CIMAP1A: variants seen among roughly 807,000 people sequenced by gnomAD.
CIMAP1A encodes the protein ciliary microtubule associated protein 1A, also known as cancer/testis antigen 135.
At chr11:198,777 G>A in the CIMAP1A span, 4 of 1,433,596 alleles carry the variant, frequency 2.8e-6, no homozygotes, top group Non-Finnish European at 3.7e-6. Flanking sequence ...CAGGCCAGAA[G>A]GGAGACGCCC....
the CIMAP1A span, chr11:197,473 G>A: frequency 1.7e-3 from 2,698 of 1,592,098 alleles, 40 homozygotes; most frequent in African/African-American, 0.032. Context: ...TGGGGGTCCC[G>A]GGAAGGGCCT....
chr11:197,682 G>A, the CIMAP1A span: 1 of 1,613,772 alleles, frequency 6.2e-7, no homozygotes, highest in South Asian at 1.1e-5. Flanking sequence ...CCAAGATACT[G>A]AGGACTGGCA....
the CIMAP1A span, chr11:198,527 C>T: frequency 1.2e-6 from 2 of 1,613,028 alleles, no homozygotes; most frequent in Non-Finnish European, 1.7e-6. Context: ...GCCTCCCAGC[C>T]CTCCTTTTCC....
the CIMAP1A span, chr11:198,876 A>G: frequency 2.3e-6 from 3 of 1,291,442 alleles, no homozygotes; most frequent in African/African-American, 4.5e-5. Context: ...ATAGGGTAGC[A>G]TGGAAAGAAG....
chr11:198,854 A>C, the CIMAP1A span: 1 of 1,334,762 alleles, frequency 7.5e-7, no homozygotes, highest in South Asian at 1.9e-5. Flanking sequence ...GGAGAGAGAG[A>C]GGCAATCTTA....
the CIMAP1A span, chr11:199,284 A>C: frequency 1.3e-6 from 2 of 1,522,398 alleles, no homozygotes; most frequent in Non-Finnish European, 1.8e-6. Flanking sequence ...GACCCTGTTG[A>C]CTCAGAGCCT....
the CIMAP1A span, chr11:200,249 A>G: frequency 3.6e-6 from 2 of 559,564 alleles, no homozygotes; most frequent in South Asian, 2.2e-5. Context: ...AATAAATCAG[A>G]TTGCATTAAT....
chr11:197,369 T>C, the CIMAP1A span: 1 of 1,599,134 alleles, frequency 6.3e-7, no homozygotes, highest in Non-Finnish European at 8.5e-7. Flanking sequence ...ATCATGGCCC[T>C]CTACAGCAGC....
At chr11:198,256 C>A in the CIMAP1A span, 1 of 1,614,110 alleles carries the variant, frequency 6.2e-7, no homozygotes, top group South Asian at 1.1e-5. Context: ...CCCAGCCACT[C>A]CATCTCTGCC....
chr11:199,580 G>T, the CIMAP1A span: 19 of 1,490,210 alleles, frequency 1.3e-5, no homozygotes, highest in South Asian at 2.4e-4. Flanking sequence ...GTGTAGGAAA[G>T]AGCAGGGAGG....
the CIMAP1A span, chr11:199,077 G>C: frequency 7.8e-7 from 1 of 1,285,024 alleles, no homozygotes; most frequent in Non-Finnish European, 9.9e-7. Context: ...AGGTCCAACA[G>C]GGCAGCAACA....
chr11:199,663 G>A, the CIMAP1A span: 1 of 1,419,526 alleles, frequency 7.0e-7, no homozygotes, highest in Non-Finnish European at 9.2e-7. Context: ...GTGGAGGGGT[G>A]GGGTGGGGAT....
the CIMAP1A span, chr11:198,980 G>A: frequency 1.7e-6 from 2 of 1,190,950 alleles, no homozygotes; most frequent in Non-Finnish European, 2.1e-6. Flanking sequence ...GCACATGCCT[G>A]AGAGCTTGAG....
chr11:199,245 C>A, the CIMAP1A span: 70 of 1,484,988 alleles, frequency 4.7e-5, no homozygotes, highest in Non-Finnish European at 8.1e-6. Flanking sequence ...CAGAAGGGGA[C>A]CTTGATGCAC....
At chr11:199,961 C>G in the CIMAP1A span, 5 of 1,614,160 alleles carry the variant, frequency 3.1e-6, no homozygotes, top group Non-Finnish European at 4.2e-6. Flanking sequence ...TGACCAAGCC[C>G]TGCGCCCCAG....
chr11:197,127 C>A, the CIMAP1A span: 2 of 550,222 alleles, frequency 3.6e-6, no homozygotes, highest in Non-Finnish European at 6.5e-6. Flanking sequence ...GCAGAAAGCT[C>A]CTACTGTCCC....
At chr11:197,944 A>G in the CIMAP1A span, 1 of 1,509,522 alleles carries the variant, frequency 6.6e-7, no homozygotes, top group Admixed American at 2.1e-5. Flanking sequence ...CTGGCCCAAG[A>G]GTCCAGCTCC....
the CIMAP1A span, chr11:198,917 T>G: frequency 1.7e-6 from 2 of 1,207,234 alleles, no homozygotes; most frequent in East Asian, 4.3e-5. Flanking sequence ...CATGAGCTAT[T>G]TGGGGGAGGA....
the CIMAP1A span, chr11:196,939 C>A: frequency 1.2e-5 from 2 of 173,306 alleles, no homozygotes; most frequent in Non-Finnish European, 2.4e-5. Context: ...CCCTCCCAGG[C>A]GGCCCCCTCC....
Sources: gnomAD v4.1 joint callset for allele counts on GRCh38, gnomAD v4.1.1 for gene constraint, MANE v1.5 for transcripts, NCBI Gene and HGNC (gene_info 2026-07-23, HGNC 2026-07-21) for gene names.